EYS: variants seen among roughly 807,000 people sequenced by gnomAD.
EYS encodes the protein EGF-like photoreceptor maintenance factor.
Under a neutral mutation model 282.1 loss-of-function variants are expected in EYS, and 250 were observed. The observed-to-expected ratio is 0.89, with a 90% CI of 0.80 to 0.98. The LOEUF (loss-of-function observed/expected upper bound fraction) is 0.98, where lower values mean the gene tolerates loss of function less well. Ranked by LOEUF, EYS falls within the 50% of genes least tolerant of loss-of-function variation. The probability of loss-of-function intolerance (pLI) is 0.00; values close to 1 mark genes in which losing one functional copy is unlikely to be tolerated. For synonymous variants in EYS, 1,355 were observed against 1,282.9 expected (o/e 1.06, Z -1.20); for missense variants, 4,016 against 3,709.0 (o/e 1.08, Z -2.15).
chr6:65,166,788 A>G (rs545373763), intron 12 of EYS, among the ~76,000 whole-genome samples: 1 of 151,298 alleles, frequency 6.6e-6, no homozygotes, highest in Non-Finnish European at 1.5e-5. Context: ...TCCAAATTAT[A>G]TCTTATAAGG....
chr6:65,419,025 C>T (rs903495553), intron 5 of EYS, among the ~76,000 whole-genome samples: 5 of 151,788 alleles, frequency 3.3e-5, no homozygotes, highest in African/African-American at 9.7e-5. Context: ...TAATACCATG[C>T]AGATTTAGTC....
chr6:64,550,093 T>A (rs1231221874), intron 26 of EYS, among the ~76,000 whole-genome samples: 1 of 152,204 alleles, frequency 6.6e-6, no homozygotes, highest in Non-Finnish European at 1.5e-5. Flanking sequence ...TGCATAGTAT[T>A]CCATGGTGTA....
At chr6:63,909,641 CT>C (rs1450438322) in intron 35 of EYS, among the ~76,000 whole-genome samples, 1 of 152,196 alleles carries the variant, frequency 6.6e-6, no homozygotes, top group African/African-American at 2.4e-5. Context: ...AAATCAGATA[CT>C]TTTTCCCCAC....
At chr6:64,446,988 G>GT (rs1775137743) in intron 26 of EYS, among the ~76,000 whole-genome samples, 1 of 81,480 alleles carries the variant, frequency 1.2e-5, no homozygotes, top group African/African-American at 3.4e-5. Context: ...TGTGTGTGTG[G>GT]GGGGGGGGTG....
chr6:63,928,319 T>C (rs565166869), intron 35 of EYS, among the ~76,000 whole-genome samples: 46 of 152,346 alleles, frequency 3.0e-4, no homozygotes, highest in African/African-American at 1.1e-3. Flanking sequence ...CATAATGCTA[T>C]ACTGATTCAT....
At chr6:64,190,862 T>C (rs1765082087) in intron 31 of EYS, among the ~76,000 whole-genome samples, 1 of 152,204 alleles carries the variant, frequency 6.6e-6, no homozygotes, top group African/African-American at 2.4e-5. Flanking sequence ...TTTTTGTAAC[T>C]ACCTATTATG....
intron 36 of EYS, among the ~76,000 whole-genome samples, chr6:63,863,448 TA>T (rs1344024699): frequency 6.6e-6 from 1 of 152,130 alleles, no homozygotes; most frequent in Non-Finnish European, 1.5e-5. Context: ...ATGGGTTTTG[TA>T]AAGCAACTGG....
intron 12 of EYS, among the ~76,000 whole-genome samples, chr6:65,076,769 T>C (rs550213499): frequency 2.0e-5 from 3 of 151,986 alleles, no homozygotes; most frequent in Non-Finnish European, 1.5e-5. Context: ...TGAGTACTTC[T>C]ACTATCAGGG....
intron 22 of EYS, among the ~76,000 whole-genome samples, chr6:64,634,667 T>G (rs576074525): frequency 2.3e-4 from 35 of 152,170 alleles, no homozygotes; most frequent in African/African-American, 8.2e-4. Flanking sequence ...TAAAAACAAC[T>G]GCTCCACATG....
chr6:64,995,757 A>C (rs1215726657), intron 14 of EYS, among the ~76,000 whole-genome samples: 1 of 149,578 alleles, frequency 6.7e-6, no homozygotes, highest in Non-Finnish European at 1.5e-5. Flanking sequence ...TTCTGGAAAC[A>C]GGAGTCAAGA....
intron 22 of EYS, among the ~76,000 whole-genome samples, chr6:64,690,832 G>A (rs1770354802): frequency 6.6e-6 from 1 of 152,024 alleles, no homozygotes; most frequent in South Asian, 2.1e-4. Context: ...CCTGTCCTGG[G>A]GTGGGGGGAG....
chr6:64,462,204 T>C (rs1459184725), intron 26 of EYS, among the ~76,000 whole-genome samples: 1 of 152,234 alleles, frequency 6.6e-6, no homozygotes, highest in East Asian at 1.9e-4. Flanking sequence ...TTAAATCCTT[T>C]TAATTTTAAA....
At chr6:65,249,885 G>GT (rs1409544888) in intron 12 of EYS, among the ~76,000 whole-genome samples, 10 of 151,992 alleles carry the variant, frequency 6.6e-5, no homozygotes, top group African/African-American at 2.4e-4. Context: ...AGCAAAAAAG[G>GT]TTAATAACTG....
intron 12 of EYS, among the ~76,000 whole-genome samples, chr6:65,060,095 T>A (rs929288255): frequency 6.6e-6 from 1 of 151,978 alleles, no homozygotes; most frequent in Non-Finnish European, 1.5e-5. Context: ...TAGCTAACAA[T>A]TTCAGCCTTC....
At chr6:65,394,078 T>C (rs1582234165) in intron 7 of EYS, among the ~76,000 whole-genome samples, 1 of 152,230 alleles carries the variant, frequency 6.6e-6, no homozygotes, top group African/African-American at 2.4e-5. Context: ...TTGAAAAATT[T>C]TTATGAGAAA....
At chr6:64,331,947 A>C (rs1342968231) in intron 29 of EYS, among the ~76,000 whole-genome samples, 1 of 152,220 alleles carries the variant, frequency 6.6e-6, no homozygotes, top group African/African-American at 2.4e-5. Flanking sequence ...CCAAGATCTT[A>C]CTAAAGGACA....
At chr6:64,185,494 T>C (rs1307171268) in intron 31 of EYS, among the ~76,000 whole-genome samples, 3 of 152,154 alleles carry the variant, frequency 2.0e-5, no homozygotes, top group Non-Finnish European at 4.4e-5. Context: ...CTGTAATCAG[T>C]GAATGACAAA....
chr6:64,814,960 C>T (rs1056722347), intron 21 of EYS, among the ~76,000 whole-genome samples: 7 of 151,896 alleles, frequency 4.6e-5, no homozygotes, highest in East Asian at 1.9e-4. Context: ...AAAGTATTAA[C>T]GACAAAAACT....
intron 26 of EYS, among the ~76,000 whole-genome samples, chr6:64,446,969 T>A (rs1775136011): frequency 7.1e-6 from 1 of 140,300 alleles, no homozygotes; most frequent in Non-Finnish European, 1.6e-5. Context: ...TGGAAATGTA[T>A]AATGTATGTG....
Sources: gnomAD v4.1 joint callset for allele counts (sites outside exome capture counted in the v4.1 genomes callset) on GRCh38, gnomAD v4.1.1 for gene constraint, MANE v1.5 for transcripts, NCBI Gene and HGNC (gene_info 2026-07-23, HGNC 2026-07-21) for gene names.